The following GABRG3 variants were observed in gnomAD, a reference collection of about 807,000 sequenced individuals.
GABRG3 encodes gamma-aminobutyric acid receptor subunit gamma-3.
Under a neutral mutation model 48.8 loss-of-function variants are expected in GABRG3, and 25 were observed. The ratio of observed to expected loss-of-function variants is 0.51; its 90% CI spans 0.37 to 0.72. The LOEUF (loss-of-function observed/expected upper bound fraction) is 0.72, where lower values mean the gene tolerates loss of function less well. Ranked by LOEUF, GABRG3 falls within the 30% of genes least tolerant of loss-of-function variation. GABRG3 has a pLI of 0.00. For missense variants in GABRG3, 394 were observed against 577.9 expected, an observed-to-expected ratio of 0.68 and a Z score of 3.26; for synonymous variants, 227 against 217.6, an observed-to-expected ratio of 1.04 and a Z score of -0.38.
chr15:27,281,382 G>T (rs1389673555), intron 3 of GABRG3, among the ~76,000 whole-genome samples: 1 of 151,288 alleles, frequency 6.6e-6, no homozygotes, highest in Non-Finnish European at 1.5e-5. Context: ...AAAATAAATA[G>T]ACTTCATCTT....
intron 6 of GABRG3, among the ~76,000 whole-genome samples, chr15:27,495,743 T>G (rs1415437517): frequency 6.6e-6 from 1 of 152,248 alleles, no homozygotes; most frequent in African/African-American, 2.4e-5. Context: ...TCCGAAGTGT[T>G]TGTAATCACT....
chr15:27,432,067 C>T (rs1888470945), intron 5 of GABRG3, among the ~76,000 whole-genome samples: 1 of 152,158 alleles, frequency 6.6e-6, no homozygotes, highest in South Asian at 2.1e-4. Context: ...TAGTCTATGG[C>T]TCATCCTGTA....
chr15:27,365,923 A>C (rs1331537381), intron 5 of GABRG3: 1 of 152,198 alleles, frequency 6.6e-6, no homozygotes, highest in Non-Finnish European at 1.5e-5. Context: ...TCATTTTTTA[A>C]TTGATTTATA....
intron 6 of GABRG3, among the ~76,000 whole-genome samples, chr15:27,518,673 A>G (rs1219873856): frequency 6.6e-6 from 1 of 152,128 alleles, no homozygotes; most frequent in African/African-American, 2.4e-5. Context: ...AGGAATTCAG[A>G]GGAGTGTGGG....
intron 2 of GABRG3, among the ~76,000 whole-genome samples, chr15:27,023,232 C>T (rs1035566803): frequency 2.6e-5 from 4 of 152,066 alleles, no homozygotes; most frequent in Non-Finnish European, 5.9e-5. Flanking sequence ...TGCTCCCCAC[C>T]ACCCCATTTC....
intron 3 of GABRG3, among the ~76,000 whole-genome samples, chr15:27,306,995 T>TATATAAACATATATA (rs1359295580): frequency 0.19 from 20,747 of 111,012 alleles, 7,390 homozygotes; most frequent in South Asian, 0.34. Context: ...AACATGTTTA[T>TATATAAACATATATA]ATATAAACAT....
chr15:27,354,528 G>A (rs1348553850), intron 5 of GABRG3, among the ~76,000 whole-genome samples: 1 of 152,202 alleles, frequency 6.6e-6, no homozygotes, highest in Admixed American at 6.5e-5. Flanking sequence ...GTGTGTGGAT[G>A]CAGGGCTTGA....
rs527290105 is a variant in GABRG3, at chr15:27,451,885, A to C, written c.575-28765A>C. On this transcript the variant is annotated intron_variant, in intron 5 of 9. Coordinates refer to ENST00000615808, the MANE Select transcript of GABRG3 (RefSeq NM_033223.5). ...ATGGCTGCAACTTGACTGATGGAGA[A>C]AATATAAGCATATCTGGTGGAGAGA... 5.3e-5 allele frequency among the ~76,000 whole-genome samples: 8 copies of C among 152,330 alleles called. No homozygotes were observed. In the East Asian group the frequency reaches 1.5e-3, roughly 29 times the overall value.
chr15:26,981,772 G>A (rs146789358), intron 2 of GABRG3, among the ~76,000 whole-genome samples: 284 of 152,286 alleles, frequency 1.9e-3, no homozygotes, highest in Non-Finnish European at 2.9e-3. Flanking sequence ...CCTTCAGGAG[G>A]CTCCACTGCC....
intron 5 of GABRG3, among the ~76,000 whole-genome samples, chr15:27,345,424 A>G (rs1894332414): frequency 1.3e-5 from 2 of 152,232 alleles, no homozygotes; most frequent in Non-Finnish European, 2.9e-5. Flanking sequence ...GCTTCTTGCA[A>G]ATAATATGAT....
chr15:27,096,787 G>A (rs149922296), intron 3 of GABRG3, among the ~76,000 whole-genome samples: 5 of 150,700 alleles, frequency 3.3e-5, no homozygotes, highest in East Asian at 3.9e-4. Context: ...CCAACTCTAC[G>A]TGAAAGCACT....
chr15:26,979,833 G>A (rs1895019873), intron 2 of GABRG3, among the ~76,000 whole-genome samples: 1 of 152,120 alleles, frequency 6.6e-6, no homozygotes, highest in Non-Finnish European at 1.5e-5. Context: ...ATTTTTTTGA[G>A]TCTTGGGTAA....
At chr15:27,377,429 C>T (rs1035153588) in intron 5 of GABRG3, among the ~76,000 whole-genome samples, 2 of 152,198 alleles carry the variant, frequency 1.3e-5, no homozygotes, top group Admixed American at 1.3e-4. Flanking sequence ...TAAAGACATA[C>T]CCAAGACTGG....
intron 3 of GABRG3, among the ~76,000 whole-genome samples, chr15:27,274,034 C>T (rs998352833): frequency 6.6e-6 from 1 of 152,160 alleles, no homozygotes; most frequent in African/African-American, 2.4e-5. Flanking sequence ...GACCTCAGCT[C>T]CTTACCGTGT....
chr15:27,357,212 C>T (rs1190121937), intron 5 of GABRG3, among the ~76,000 whole-genome samples: 1 of 152,178 alleles, frequency 6.6e-6, no homozygotes, highest in Non-Finnish European at 1.5e-5. Context: ...GCCCTTCTTG[C>T]ACTTCCTCCC....
chr15:27,491,924 A>G (rs1890365987), intron 6 of GABRG3, among the ~76,000 whole-genome samples: 1 of 152,164 alleles, frequency 6.6e-6, no homozygotes, highest in Non-Finnish European at 1.5e-5. Flanking sequence ...GCCCAATGCT[A>G]CTGTTATTTA....
intron 3 of GABRG3, among the ~76,000 whole-genome samples, chr15:27,193,045 G>A (rs1349284069): frequency 1.3e-5 from 2 of 152,156 alleles, no homozygotes; most frequent in South Asian, 2.1e-4. Context: ...TTCGTGAACC[G>A]CGAATGCTGC....
rs545638345 is a variant in GABRG3 at position 27,241,825 on chromosome 15, G to T, written c.271-84984G>T. On this transcript the variant is annotated intron_variant, in intron 3 of 9. Transcript: ENST00000615808. ...TGTCATATGACATTATTGACTTTGT[G>T]TTCTTTTAGTTTTTCTCATAAAAGG... Among the ~76,000 whole-genome samples, 30 of 152,246 alleles carry T rather than the reference G, an allele frequency of 2.0e-4. No homozygotes were observed. The East Asian group carries it at 5.6e-3, about 28-fold the overall frequency.
At chr15:27,089,862 AC>A (rs1897155564) in intron 3 of GABRG3, among the ~76,000 whole-genome samples, 2 of 152,190 alleles carry the variant, frequency 1.3e-5, no homozygotes, top group African/African-American at 4.8e-5. Context: ...TCCATGCTGC[AC>A]CCCGTGTCAG....
Sources: gnomAD v4.1 joint callset for allele counts (sites outside exome capture counted in the v4.1 genomes callset) on GRCh38, gnomAD v4.1.1 for gene constraint, MANE v1.5 for transcripts, NCBI Gene and HGNC (gene_info 2026-07-23, HGNC 2026-07-21) for gene names.